OSBPL1A: variants seen among roughly 807,000 people sequenced by gnomAD.
The protein encoded by OSBPL1A is oxysterol-binding protein-related protein 1.
Under a neutral mutation model 137.1 loss-of-function variants are expected in OSBPL1A, and 80 were observed. The ratio of observed to expected loss-of-function variants is 0.58; its 90% CI spans 0.49 to 0.70. The LOEUF (loss-of-function observed/expected upper bound fraction) is 0.70. Among genes scored for constraint, OSBPL1A ranks in the 30% least tolerant of loss-of-function variants. OSBPL1A has a pLI of 0.00. For synonymous variants in OSBPL1A, 365 were observed against 389.7 expected (o/e 0.94, Z 0.75); for missense variants, 970 against 1,129.4 (o/e 0.86, Z 2.02).
Position 24,334,225 on chromosome 18 carries a change from G to A in OSBPL1A, c.480+20C>T, listed in dbSNP as rs1415465489. On this transcript the variant is annotated intron_variant, in intron 6 of 27. Coordinates refer to ENST00000319481, the MANE Select transcript of OSBPL1A (RefSeq NM_080597.4). ...AGAAAGACTGCTTTTTGTCTTTTGG[G>A]GGTTTTTTGTTTGTTTTACCAGAGC... 6.3e-7 allele frequency: 1 copy of A among 1,583,798 alleles called. No individual in the cohort carries two copies. Among genetic ancestry groups the A allele is most frequent in the Admixed American group, 1.9e-5 (1 of 52,592 alleles).
chr18:24,221,642 TTTC>T (rs2087894842), intron 17 of OSBPL1A, among the ~76,000 whole-genome samples: 1 of 152,204 alleles, frequency 6.6e-6, no homozygotes, highest in South Asian at 2.1e-4. Context: ...AGAGACCCAT[TTTC>T]TTTTTTTCTT....
chr18:24,176,634 T>C (rs572350528), intron 21 of OSBPL1A, among the ~76,000 whole-genome samples: 1 of 152,318 alleles, frequency 6.6e-6, no homozygotes, highest in East Asian at 1.9e-4. Context: ...AAAATTTTTT[T>C]TAGTAGGCAA....
intron 7 of OSBPL1A, among the ~76,000 whole-genome samples, chr18:24,322,106 C>CTTTT (rs71266986): frequency 3.7e-4 from 45 of 122,776 alleles, no homozygotes; most frequent in Non-Finnish European, 5.5e-4. Flanking sequence ...AAATATGTGA[C>CTTTT]TTTTTTTTTT....
At chr18:24,329,669 C>G (rs1460458620) in intron 7 of OSBPL1A, among the ~76,000 whole-genome samples, 1 of 151,574 alleles carries the variant, frequency 6.6e-6, no homozygotes, top group Non-Finnish European at 1.5e-5. Flanking sequence ...TATATATTAA[C>G]TGAATATATA....
intron 15 of OSBPL1A, among the ~76,000 whole-genome samples, chr18:24,243,896 G>A (rs532429909): frequency 6.6e-6 from 1 of 152,302 alleles, no homozygotes; most frequent in East Asian, 1.9e-4. Context: ...CACAGAAAAT[G>A]CACTGGTAAT....
chr18:24,198,082 C>T (rs1259279410), intron 17 of OSBPL1A, among the ~76,000 whole-genome samples: 1 of 152,142 alleles, frequency 6.6e-6, no homozygotes, highest in Non-Finnish European at 1.5e-5. Context: ...GCTACCGCGC[C>T]CAGCCAAATT....
At chr18:24,378,864 C>T (rs957567558) in intron 1 of OSBPL1A, among the ~76,000 whole-genome samples, 10 of 152,120 alleles carry the variant, frequency 6.6e-5, no homozygotes, top group African/African-American at 2.4e-4. Flanking sequence ...GTGGTCAAGC[C>T]AGGCAAACCT....
chr18:24,331,111 A>G (rs1180415607), intron 7 of OSBPL1A, among the ~76,000 whole-genome samples: 3 of 151,944 alleles, frequency 2.0e-5, no homozygotes, highest in Non-Finnish European at 4.4e-5. Flanking sequence ...ATTTCTAATG[A>G]CTCCAAACCT....
At position 24,280,787 on chromosome 18, in the gene OSBPL1A, C is replaced by T. The variant is rs2851979; in HGVS notation, c.1281+55G>A. ...TTGAAAGCAATGACTTCATGGACAA[C>T]CACGCATGCAACATCCAAACAATTA... On this transcript the variant is annotated intron_variant, in intron 15 of 27. Transcript: ENST00000319481. 525 of 1,228,904 alleles carry T rather than the reference C, an allele frequency of 4.3e-4. 1 individual carries two copies. The African/African-American group carries it at 6.9e-3, about 16-fold the overall frequency. The allele number at this position is 1,228,904 out of a possible 1,614,324, so 76.1% of individuals were successfully genotyped here.
At chr18:24,193,879 T>G (rs2086956944) in intron 18 of OSBPL1A, among the ~76,000 whole-genome samples, 1 of 152,232 alleles carries the variant, frequency 6.6e-6, no homozygotes. Flanking sequence ...GCATAAGCAT[T>G]TACTTGTACA....
chr18:24,395,136 C>T (rs1907648151), intron 1 of OSBPL1A, among the ~76,000 whole-genome samples: 1 of 152,180 alleles, frequency 6.6e-6, no homozygotes, highest in Non-Finnish European at 1.5e-5. Context: ...CTGGTGACTG[C>T]AGTGCTAAAA....
At chr18:24,229,212 G>T (rs1429500102) in intron 16 of OSBPL1A, among the ~76,000 whole-genome samples, 1 of 151,938 alleles carries the variant, frequency 6.6e-6, no homozygotes, top group East Asian at 1.9e-4. Flanking sequence ...AAAAGAAAAA[G>T]GTAGGTAGCG....
intron 17 of OSBPL1A, among the ~76,000 whole-genome samples, chr18:24,217,258 CTTTT>C (rs562612104): frequency 1.5e-5 from 2 of 131,496 alleles, no homozygotes; most frequent in African/African-American, 2.8e-5. Flanking sequence ...AAGTTTTGCT[CTTTT>C]TTTTTTTTTT....
intron 15 of OSBPL1A, among the ~76,000 whole-genome samples, chr18:24,264,042 T>G (rs2089507784): frequency 6.6e-6 from 1 of 152,218 alleles, no homozygotes. Flanking sequence ...CCATATTCAA[T>G]TAATTCACAA....
At chr18:24,386,769 G>A (rs1481575322) in intron 1 of OSBPL1A, among the ~76,000 whole-genome samples, 1 of 152,068 alleles carries the variant, frequency 6.6e-6, no homozygotes, top group African/African-American at 2.4e-5. Flanking sequence ...AGACCAGCCT[G>A]GGCAACCTAT....
At chr18:24,245,290 C>T (rs1050750654) in intron 15 of OSBPL1A, among the ~76,000 whole-genome samples, 2 of 151,928 alleles carry the variant, frequency 1.3e-5, no homozygotes, top group Admixed American at 6.6e-5. Context: ...ACGGGTCTCC[C>T]TACGTTGCCC....
chr18:24,286,997 G>T (rs1156586548), intron 14 of OSBPL1A, among the ~76,000 whole-genome samples: 1 of 151,996 alleles, frequency 6.6e-6, no homozygotes, highest in Non-Finnish European at 1.5e-5. Flanking sequence ...AGAGGAGAAG[G>T]ATATTATTAT....
intron 18 of OSBPL1A, among the ~76,000 whole-genome samples, chr18:24,182,046 T>C (rs2086620550): frequency 6.6e-6 from 1 of 151,642 alleles, no homozygotes; most frequent in South Asian, 2.1e-4. Context: ...TGAGTAATTT[T>C]CCAAAAGAAA....
At chr18:24,294,530 G>T (rs945753426) in intron 14 of OSBPL1A, among the ~76,000 whole-genome samples, 1 of 151,878 alleles carries the variant, frequency 6.6e-6, no homozygotes, top group Non-Finnish European at 1.5e-5. Context: ...CACTGTGCCC[G>T]GTCCAATATG....
Sources: allele counts gnomAD v4.1 joint callset (sites outside exome capture counted in the v4.1 genomes callset), GRCh38; gene constraint gnomAD v4.1.1; transcripts MANE v1.5; gene names NCBI Gene and HGNC (gene_info 2026-07-23, HGNC 2026-07-21).